Variants in ODAD4 observed in about 807,000 individuals in gnomAD.
ODAD4 encodes outer dynein arm-docking complex subunit 4.
In ODAD4, 49 loss-of-function variants were observed where a neutral mutation model predicts 51.8. That is an observed-to-expected ratio of 0.95 (90% CI 0.75 to 1.20). ODAD4 has a LOEUF of 1.20. Ranked by LOEUF, ODAD4 falls within the 50% of genes most tolerant of loss-of-function variation. The pLI is 0.00. For missense variants in ODAD4, 590 were observed against 586.5 expected, an observed-to-expected ratio of 1.01 and a Z score of -0.06; for synonymous variants, 235 against 221.3, an observed-to-expected ratio of 1.06 and a Z score of -0.55.
intron 8 of ODAD4, among the ~76,000 whole-genome samples, chr17:41,946,588 G>A (rs1297250736): frequency 6.6e-6 from 1 of 152,238 alleles, no homozygotes; most frequent in Non-Finnish European, 1.5e-5. Flanking sequence ...GCGTCCCAAA[G>A]TGCTGGGATT....
chr17:41,936,864 C>T lies in ODAD4; in HGVS notation c.562C>T (p.Arg188Cys), dbSNP rs782736893. The T allele has an allele frequency of 3.4e-5, 55 of 1,613,840 alleles. No individual in the cohort carries two copies. Among genetic ancestry groups the T allele is most frequent in the South Asian group, 2.1e-4 (19 of 91,094 alleles). Residue 188 changes from arginine to cysteine, a missense_variant, in exon 5 of 12, where the codon CGC becomes TGC. Coordinates refer to ENST00000377540, the MANE Select transcript of ODAD4 (RefSeq NM_031421.5). ...CTCGCTCAAGAGTGAGAAGACTGTC[C>T]GCCAGCTTCTGGGGGAGCTCTACGT... ...KASLKSEKTV[R>C]QLLGELYVDK...
chr17:41,945,325 A>T, intron 8 of ODAD4, 103 bp downstream of exon 8: 1 of 733,146 alleles, frequency 1.4e-6, no homozygotes, highest in Non-Finnish European at 2.2e-6. Flanking sequence ...TGGGCAACAT[A>T]GGAAGACTCC....
chr17:41,958,236 C>A (rs1555641241), intron 10 of ODAD4, among the ~76,000 whole-genome samples: 1 of 152,184 alleles, frequency 6.6e-6, no homozygotes, highest in African/African-American at 2.4e-5. Context: ...ACCCCTCAGT[C>A]TGGGTGAGGA....
chr17:41,953,968 T>C (rs1402825091), intron 9 of ODAD4, among the ~76,000 whole-genome samples: 2 of 148,806 alleles, frequency 1.3e-5, no homozygotes, highest in African/African-American at 5.0e-5. Context: ...ACCTAGCCTA[T>C]GTATGTATGT....
intron 10 of ODAD4, among the ~76,000 whole-genome samples, chr17:41,958,997 GA>G (rs1401295221): frequency 1.3e-5 from 2 of 150,982 alleles, no homozygotes; most frequent in Non-Finnish European, 2.9e-5. Flanking sequence ...CTGGGCGACA[GA>G]GCGAGACTCC....
intron 10 of ODAD4, among the ~76,000 whole-genome samples, chr17:41,958,427 G>A (rs962982817): frequency 8.5e-5 from 13 of 152,076 alleles, no homozygotes; most frequent in African/African-American, 3.1e-4. Flanking sequence ...TTAGGAGGCC[G>A]AGATGGATGG....
rs782030532 is a variant in ODAD4 at position 41,936,837 on chromosome 17, G to A, written c.535G>A (p.Ala179Thr). The change falls in exon 5 of 12, where the codon GCC becomes ACC. Residue 179 changes from alanine to threonine, a missense_variant. This residue lies in a region of ODAD4 where 360 missense variants were observed against 407.5 expected (regional missense o/e 0.88). Transcript: ENST00000377540. ...CACCAAGGGAGAGCCCAAGTGGAAGGCCTCGCTCAAGAGTGAGAAGACTGT... is the reference window on the plus strand; with the variant it reads ...CACCAAGGGAGAGCCCAAGTGGAAGACCTCGCTCAAGAGTGAGAAGACTGT... ...HPTKGEPKWK[A>T]SLKSEKTVRQ... 10 of 1,613,844 alleles carry A rather than the reference G, an allele frequency of 6.2e-6. No homozygotes were observed. Among genetic ancestry groups the A allele is most frequent in the African/African-American group, 1.3e-5 (1 of 74,920 alleles).
chr17:41,943,772 C>A (rs2050539553), intron 7 of ODAD4, among the ~76,000 whole-genome samples: 1 of 152,118 alleles, frequency 6.6e-6, no homozygotes, highest in Non-Finnish European at 1.5e-5. Flanking sequence ...AGTTTGAGAA[C>A]AGCCTGGGCA....
chr17:41,942,501 C>T (rs921738555), intron 7 of ODAD4, among the ~76,000 whole-genome samples: 4 of 152,232 alleles, frequency 2.6e-5, no homozygotes, highest in Non-Finnish European at 4.4e-5. Context: ...AGCTTATTCA[C>T]TCATTCAACT....
intron 5 of ODAD4, among the ~76,000 whole-genome samples, chr17:41,938,313 T>C (rs1779857289): frequency 6.6e-6 from 1 of 152,198 alleles, no homozygotes; most frequent in South Asian, 2.1e-4. Context: ...CCCTTCTGGC[T>C]AGCTCCTCAT....
intron 10 of ODAD4, among the ~76,000 whole-genome samples, chr17:41,960,707 A>G (rs1237922142): frequency 2.6e-5 from 4 of 152,170 alleles, no homozygotes; most frequent in Non-Finnish European, 5.9e-5. Flanking sequence ...CTGGATTGGC[A>G]ACTCCAGGTA....
chr17:41,945,757 C>T (rs146954935), intron 8 of ODAD4, among the ~76,000 whole-genome samples: 67 of 152,174 alleles, frequency 4.4e-4, no homozygotes, highest in African/African-American at 1.4e-3. Flanking sequence ...AAAAATTAGC[C>T]GAACACGTTG....
chr17:41,930,683 C>A lies in ODAD4; in HGVS notation c.-41C>A. ...ACCAGATAGAGGTTCTCCAGCTTTT[C>A]TTTGATTGTCTCTGCTTTAGCGTCT... On this transcript the variant is annotated 5_prime_UTR_variant, in exon 1 of 12. Transcript: ENST00000377540. The A allele has an allele frequency of 7.4e-7, 1 of 1,344,754 alleles. No individual in the cohort carries two copies. Among genetic ancestry groups the A allele is most frequent in the Non-Finnish European group, 1.0e-6 (1 of 952,694 alleles). The allele number at this position is 1,344,754 out of a possible 1,614,324, so 83.3% of individuals were successfully genotyped here. A position where few individuals can be genotyped will look rare whatever the true frequency, so the allele number is the denominator to read the frequency against.
At position 41,966,416 on chromosome 17, in the gene ODAD4, TGTG is replaced by T. The variant is rs1339550030; in HGVS notation, c.*936_*938del. Among the ~76,000 whole-genome samples, 6 of 151,764 alleles carry T rather than the reference TGTG, an allele frequency of 4.0e-5. No homozygotes were observed. The highest frequency in any genetic ancestry group is 1.2e-4 in the African/African-American group (5 of 41,280). ...ATTGCATGATAATATTTTAATCCAATGTGGTAAAAAAAAAAGTTTTTAATTAAT... is the reference window on the plus strand; with the variant it reads ...ATTGCATGATAATATTTTAATCCAATGTAAAAAAAAAAGTTTTTAATTAAT... On this transcript the variant is annotated 3_prime_UTR_variant, in exon 12 of 12. Coordinates refer to ENST00000377540, the MANE Select transcript of ODAD4 (RefSeq NM_031421.5).
intron 7 of ODAD4, among the ~76,000 whole-genome samples, chr17:41,943,744 G>A (rs1555639016): frequency 6.6e-6 from 1 of 152,190 alleles, no homozygotes; most frequent in Non-Finnish European, 1.5e-5. Context: ...TTAGGCAGGA[G>A]GATTGCCTGA....
At chr17:41,936,136 C>T (rs1379063562) in intron 3 of ODAD4, among the ~76,000 whole-genome samples, 1 of 152,206 alleles carries the variant, frequency 6.6e-6, no homozygotes, top group East Asian at 1.9e-4. Context: ...TGGCCTTAGC[C>T]ATCAGCATTA....
intron 7 of ODAD4, among the ~76,000 whole-genome samples, chr17:41,939,388 A>G (rs1422352694): frequency 6.6e-6 from 1 of 152,184 alleles, no homozygotes; most frequent in Non-Finnish European, 1.5e-5. Flanking sequence ...TAGTGGCTCA[A>G]AATTCCAAAA....
chr17:41,935,560 C>A, intron 2 of ODAD4, 39 bp from the exon 3 acceptor site: 4 of 1,592,170 alleles, frequency 2.5e-6, no homozygotes, highest in Non-Finnish European at 3.4e-6. Context: ...CCTATAAGGC[C>A]TTATCTGTTC....
chr17:41,954,980 G>T (rs781911061), intron 9 of ODAD4: 1 of 612,978 alleles, frequency 1.6e-6, no homozygotes, highest in Non-Finnish European at 3.0e-6. Context: ...TCTCACCAAC[G>T]CCTTTGAATG....
Sources: allele counts gnomAD v4.1 joint callset (sites outside exome capture counted in the v4.1 genomes callset), GRCh38; gene constraint gnomAD v4.1.1; regional missense constraint gnomAD v4.1.1; transcripts MANE v1.5; gene names NCBI Gene and HGNC (gene_info 2026-07-23, HGNC 2026-07-21).